RAB3IP: variants seen among roughly 807,000 people sequenced by gnomAD.
RAB3IP encodes RAB3A interacting protein.
RAB3IP carries 36 observed loss-of-function variants against 59.1 expected under a neutral mutation model. That is an observed-to-expected ratio of 0.61 (90% confidence interval 0.47 to 0.80). RAB3IP has a LOEUF of 0.80. Among genes scored for constraint, RAB3IP ranks in the 30% least tolerant of loss-of-function variants. The probability of loss-of-function intolerance (pLI) is 0.00; values close to 1 mark genes in which losing one functional copy is unlikely to be tolerated. For synonymous variants in RAB3IP, 207 were observed against 191.2 expected, an observed-to-expected ratio of 1.08 and a Z score of -0.68; for missense variants, 511 against 536.0, an observed-to-expected ratio of 0.95 and a Z score of 0.46.
intron 6 of RAB3IP, among the ~76,000 whole-genome samples, chr12:69,797,198 G>A (rs1315631774): frequency 6.6e-6 from 1 of 152,202 alleles, no homozygotes; most frequent in Non-Finnish European, 1.5e-5. Context: ...ATGCATGCAT[G>A]CAGACATACA....
chr12:69,789,648 C>G (rs544934781), intron 4 of RAB3IP, among the ~76,000 whole-genome samples: 4 of 152,072 alleles, frequency 2.6e-5, no homozygotes, highest in Non-Finnish European at 5.9e-5. Flanking sequence ...AAACTATGGG[C>G]CAATATTCTC....
intron 1 of RAB3IP, among the ~76,000 whole-genome samples, chr12:69,743,599 T>TA (rs1187875270): frequency 3.9e-5 from 6 of 152,220 alleles, no homozygotes; most frequent in Admixed American, 2.6e-4. Flanking sequence ...TCACTACCAT[T>TA]ATAGATGTCA....
intron 8 of RAB3IP, among the ~76,000 whole-genome samples, chr12:69,810,675 A>ACATTTTAAG (rs1390224821): frequency 1.3e-5 from 2 of 151,968 alleles, no homozygotes; most frequent in African/African-American, 4.8e-5. Context: ...TTTAAGAAAG[A>ACATTTTAAG]AAAGTTAGAT....
intron 4 of RAB3IP, among the ~76,000 whole-genome samples, chr12:69,792,522 G>A (rs144630423): frequency 1.2e-3 from 190 of 152,198 alleles, no homozygotes; most frequent in African/African-American, 4.3e-3. Flanking sequence ...ACCGACTCCT[G>A]GTATAGGTGA....
At chr12:69,741,838 A>C (rs1361739296) in intron 1 of RAB3IP, among the ~76,000 whole-genome samples, 1 of 152,234 alleles carries the variant, frequency 6.6e-6, no homozygotes, top group Non-Finnish European at 1.5e-5. Flanking sequence ...TAATCACTAC[A>C]TTATCACTTC....
chr12:69,748,071 G>GT (rs35390580), intron 1 of RAB3IP, among the ~76,000 whole-genome samples: 46,094 of 141,138 alleles, frequency 0.33, 8,861 homozygotes, highest in Middle Eastern at 0.53. Context: ...CACAGCTTTA[G>GT]TTTTTTTTTT....
At chr12:69,798,090 A>C (rs1209933974) in intron 6 of RAB3IP, among the ~76,000 whole-genome samples, 1 of 152,188 alleles carries the variant, frequency 6.6e-6, no homozygotes. Context: ...GTCCCTGAGG[A>C]ATCACCACAC....
chr12:69,795,295 G>A lies in RAB3IP; in HGVS notation c.839G>A (p.Ser280Asn). 2 of 1,614,108 alleles carry A rather than the reference G, an allele frequency of 1.2e-6. No individual in the cohort carries two copies. Among genetic ancestry groups the A allele is most frequent in the Non-Finnish European group, 1.7e-6 (2 of 1,179,984 alleles). ...AGCACAAGCAGTGCTATGAGTGGCA[G>A]TCATCAGGACCTCAGTGTGATACAG... ...NKSTSSAMSG[S>N]HQDLSVIQPI... Residue 280 changes from serine (S) to asparagine (N), a missense_variant, in exon 6 of 11, where the codon AGT becomes AAT. Physicochemically the swap from Ser to Asn is conservative, Grantham distance 46. Coordinates refer to ENST00000247833, the MANE Select transcript of RAB3IP (RefSeq NM_022456.5).
intron 3 of RAB3IP, among the ~76,000 whole-genome samples, chr12:69,782,382 C>T (rs61930175): frequency 0.11 from 16,285 of 152,222 alleles, 1,199 homozygotes; most frequent in Middle Eastern, 0.17. Context: ...TCAAGCTGGT[C>T]TCGAACTCCT....
At chr12:69,749,165 G>C (rs1868816582) in intron 1 of RAB3IP, among the ~76,000 whole-genome samples, 1 of 152,194 alleles carries the variant, frequency 6.6e-6, no homozygotes, top group African/African-American at 2.4e-5. Context: ...GAAGGTAAGT[G>C]GCGGACAAGC....
chr12:69,797,246 T>C (rs545981979), intron 6 of RAB3IP, among the ~76,000 whole-genome samples: 6 of 152,210 alleles, frequency 3.9e-5, no homozygotes, highest in Non-Finnish European at 5.9e-5. Flanking sequence ...CCACTTAGAT[T>C]TGAATTCGGA....
At chr12:69,810,273 G>GAGAC (rs1458393486) in intron 8 of RAB3IP, among the ~76,000 whole-genome samples, 2 of 152,192 alleles carry the variant, frequency 1.3e-5, no homozygotes, top group Non-Finnish European at 2.9e-5. Flanking sequence ...TGTCTCAGAG[G>GAGAC]AGTACCCGGC....
intron 8 of RAB3IP, among the ~76,000 whole-genome samples, chr12:69,806,571 T>TTTG (rs909666053): frequency 4.6e-5 from 1 of 21,506 alleles, no homozygotes; most frequent in African/African-American, 1.6e-4. Flanking sequence ...GCTTCTCTAG[T>TTTG]TTTTTTTTTT....
intron 2 of RAB3IP, 100 bp from the exon 3 acceptor site, chr12:69,756,305 G>A (rs1272121668): frequency 1.8e-5 from 22 of 1,211,324 alleles, no homozygotes; most frequent in Non-Finnish European, 2.4e-5. Context: ...AAATATAGAA[G>A]CTACCAAATT....
At chr12:69,753,889 T>C (rs2136122321) in intron 1 of RAB3IP, among the ~76,000 whole-genome samples, 1 of 152,338 alleles carries the variant, frequency 6.6e-6, no homozygotes, top group East Asian at 1.9e-4. Context: ...TTAGTTTCCA[T>C]GTAAACTTTG....
At chr12:69,792,514 C>T (rs140770859) in intron 4 of RAB3IP, among the ~76,000 whole-genome samples, 167 of 152,174 alleles carry the variant, frequency 1.1e-3, no homozygotes, top group African/African-American at 3.9e-3. Context: ...AAAAGTTTAC[C>T]GACTCCTGGT....
chr12:69,789,317 G>C (rs530599563), intron 4 of RAB3IP, among the ~76,000 whole-genome samples: 1 of 152,124 alleles, frequency 6.6e-6, no homozygotes, highest in African/African-American at 2.4e-5. Context: ...TATTACAATG[G>C]ATGCTTCAGA....
intron 3 of RAB3IP, among the ~76,000 whole-genome samples, chr12:69,760,727 A>G (rs1051554328): frequency 6.6e-6 from 1 of 151,874 alleles, no homozygotes; most frequent in African/African-American, 2.4e-5. Context: ...ATGTTGCTTC[A>G]GTGTTTTCAA....
chr12:69,747,966 T>C (rs1283346784), intron 1 of RAB3IP, among the ~76,000 whole-genome samples: 1 of 152,170 alleles, frequency 6.6e-6, no homozygotes, highest in Non-Finnish European at 1.5e-5. Flanking sequence ...ATGATTTACT[T>C]TCTGAGTGTA....
Sources: gnomAD v4.1 joint callset for allele counts (sites outside exome capture counted in the v4.1 genomes callset) on GRCh38, gnomAD v4.1.1 for gene constraint, MANE v1.5 for transcripts, NCBI Gene and HGNC (gene_info 2026-07-23, HGNC 2026-07-21) for gene names.